The following MAGI2 variants were observed in gnomAD, a reference collection of about 807,000 sequenced individuals.
MAGI2 encodes the protein membrane-associated guanylate kinase, WW and PDZ domain-containing protein 2.
MAGI2 carries 35 observed loss-of-function variants against 133.3 expected under a neutral mutation model. The ratio of observed to expected loss-of-function variants is 0.26; its 90% CI spans 0.20 to 0.35. The LOEUF is 0.35. Among genes scored for constraint, MAGI2 ranks in the 10% least tolerant of loss-of-function variants. The pLI, the probability that MAGI2 is intolerant of heterozygous loss-of-function variation, is 1.00. For synonymous variants in MAGI2, 729 were observed against 710.6 expected, an observed-to-expected ratio of 1.03 and a Z score of -0.41; for missense variants, 1,636 against 1,863.4, an observed-to-expected ratio of 0.88 and a Z score of 2.25.
At chr7:79,056,947 A>C (rs779973637) in intron 1 of MAGI2, among the ~76,000 whole-genome samples, 9 of 152,202 alleles carry the variant, frequency 5.9e-5, no homozygotes, top group African/African-American at 2.2e-4. Context: ...CTTCTTAAGA[A>C]GTGAAACTGT....
chr7:78,291,058 T>C (rs952753083), intron 9 of MAGI2, among the ~76,000 whole-genome samples: 17 of 152,100 alleles, frequency 1.1e-4, no homozygotes, highest in African/African-American at 4.1e-4. Context: ...CATTCAAAAG[T>C]TAGCAGAAGG....
chr7:78,590,202 A>G (rs1803855049), intron 3 of MAGI2, among the ~76,000 whole-genome samples: 1 of 152,178 alleles, frequency 6.6e-6, no homozygotes, highest in South Asian at 2.1e-4. Flanking sequence ...TAGCATAGCA[A>G]TTTGAAGCTT....
Position 78,256,171 on chromosome 7 carries a change from T to A in MAGI2, c.1819A>T (p.Thr607Ser), listed in dbSNP as rs763971412. Residue 607 changes from threonine (T) to serine (S), a missense_variant, in exon 10 of 22, where the codon ACC (threonine) becomes TCC (serine). Coordinates refer to ENST00000354212, the MANE Select transcript of MAGI2 (RefSeq NM_012301.4). ...GATQAELMTL[T>S]IVKGAQGFGF... is the part of the protein sequence containing the mutation. ...AAGCCCTGGGCACCTTTCACAATGG[T>A]TAAGGTCATAAGTTCAGCTTGGGTG... The A allele has an allele frequency of 1.9e-6, 3 of 1,613,974 alleles. No individual in the cohort carries two copies. In the South Asian group the frequency reaches 3.3e-5, roughly 18 times the overall value.
chr7:78,276,538 G>A (rs1419609991), intron 9 of MAGI2, among the ~76,000 whole-genome samples: 1 of 151,398 alleles, frequency 6.6e-6, no homozygotes, highest in African/African-American at 2.4e-5. Context: ...ATTTTTCTTT[G>A]TTCAGTCAAA....
intron 10 of MAGI2, among the ~76,000 whole-genome samples, chr7:78,204,623 A>G (rs1052903408): frequency 2.6e-5 from 4 of 152,092 alleles, no homozygotes; most frequent in African/African-American, 4.8e-5. Context: ...TTTTATAATG[A>G]TCTGACTCAT....
At chr7:79,279,806 A>C (rs1835494340) in intron 1 of MAGI2, among the ~76,000 whole-genome samples, 1 of 152,212 alleles carries the variant, frequency 6.6e-6, no homozygotes, top group African/African-American at 2.4e-5. Flanking sequence ...GACATTTACC[A>C]TAACATAAAA....
intron 2 of MAGI2, among the ~76,000 whole-genome samples, chr7:78,882,083 CAACAAAAAAAAA>C (rs1795897867): frequency 7.0e-5 from 1 of 14,340 alleles, no homozygotes; most frequent in Non-Finnish European, 1.2e-4. Flanking sequence ...ACAACAACAA[CAACAAAAAAAAA>C]AAAAAAAAAA....
Position 78,497,426 on chromosome 7 carries a change from G to A in MAGI2, c.965+4151C>T, listed in dbSNP as rs184717492. ...CAGTTTGAGTAGTGTGGGAAACATA[G>A]TTGGCCTGCTAGTTTACCAGGGTTG... On this transcript the variant is annotated intron_variant, in intron 5 of 21. Transcript: ENST00000354212. 5.7e-4 allele frequency among the ~76,000 whole-genome samples: 87 copies of A among 152,274 alleles called. 1 individual carries two copies. Among genetic ancestry groups the A allele is most frequent in the African/African-American group, 2.0e-3 (83 of 41,576 alleles).
At chr7:78,662,217 G>A (rs1813037265) in intron 2 of MAGI2, among the ~76,000 whole-genome samples, 1 of 152,152 alleles carries the variant, frequency 6.6e-6, no homozygotes, top group African/African-American at 2.4e-5. Context: ...AATTCATGGT[G>A]TGCATAGACA....
intron 1 of MAGI2, among the ~76,000 whole-genome samples, chr7:79,279,361 C>G (rs578208073): frequency 6.6e-6 from 1 of 152,252 alleles, no homozygotes; most frequent in South Asian, 2.1e-4. Context: ...TTATCCATCA[C>G]CCAAAATGAC....
intron 1 of MAGI2, among the ~76,000 whole-genome samples, chr7:79,274,445 G>A (rs570052966): frequency 2.5e-4 from 38 of 152,046 alleles, no homozygotes; most frequent in African/African-American, 4.8e-4. Context: ...AACAACATCC[G>A]CTTCCCCACA....
intron 2 of MAGI2, among the ~76,000 whole-genome samples, chr7:78,909,749 C>A (rs1013017184): frequency 2.0e-5 from 3 of 151,996 alleles, no homozygotes; most frequent in African/African-American, 7.3e-5. Context: ...GACCTAGAAC[C>A]AGAAACACTA....
chr7:78,365,322 G>A (rs1353732728), intron 7 of MAGI2, among the ~76,000 whole-genome samples: 1 of 152,000 alleles, frequency 6.6e-6, no homozygotes, highest in Non-Finnish European at 1.5e-5. Flanking sequence ...TGTTCTTGAG[G>A]AATCCCTCAT....
chr7:78,073,467 C>T (rs555743601), intron 21 of MAGI2, among the ~76,000 whole-genome samples: 4 of 152,050 alleles, frequency 2.6e-5, no homozygotes, highest in Admixed American at 2.0e-4. Flanking sequence ...TTCATAAAGC[C>T]CTGCCCTATG....
intron 9 of MAGI2, among the ~76,000 whole-genome samples, chr7:78,288,109 A>G (rs545918915): frequency 2.0e-5 from 3 of 152,200 alleles, no homozygotes; most frequent in Non-Finnish European, 2.9e-5. Flanking sequence ...TTTCAAACGC[A>G]TGAGATCACT....
At chr7:78,231,356 G>A (rs2150874347) in intron 10 of MAGI2, among the ~76,000 whole-genome samples, 1 of 152,300 alleles carries the variant, frequency 6.6e-6, no homozygotes, top group East Asian at 1.9e-4. Flanking sequence ...ATGGGTTTTG[G>A]GATTGCGTGC....
At chr7:79,304,907 A>G (rs1369376420) in intron 1 of MAGI2, among the ~76,000 whole-genome samples, 3 of 152,188 alleles carry the variant, frequency 2.0e-5, no homozygotes, top group Non-Finnish European at 4.4e-5. Flanking sequence ...GTCAACCAGG[A>G]AAGGTCACAG....
chr7:79,347,375 C>G (rs1309584495), intron 1 of MAGI2, among the ~76,000 whole-genome samples: 3 of 151,920 alleles, frequency 2.0e-5, no homozygotes, highest in African/African-American at 4.8e-5. Flanking sequence ...TCAAGCCTCT[C>G]TGTTCTTCCA....
intron 2 of MAGI2, among the ~76,000 whole-genome samples, chr7:78,639,709 C>T (rs564467570): frequency 1.6e-4 from 24 of 152,212 alleles, no homozygotes; most frequent in South Asian, 8.3e-4. Flanking sequence ...CCAAAACCCA[C>T]GTCTGTGAGC....
Sources: gnomAD v4.1 joint callset for allele counts (sites outside exome capture counted in the v4.1 genomes callset) on GRCh38, gnomAD v4.1.1 for gene constraint, MANE v1.5 for transcripts, NCBI Gene and HGNC (gene_info 2026-07-23, HGNC 2026-07-21) for gene names.